Variants in FREM1 observed in about 807,000 individuals in gnomAD.
FREM1 encodes FRAS1 related extracellular matrix 1, also known as FRAS1-related extracellular matrix protein 1.
FREM1 carries 220 observed loss-of-function variants against 210.1 expected under a neutral mutation model. That is an observed-to-expected ratio of 1.05 (90% CI 0.94 to 1.17). The LOEUF is 1.17. FREM1 is among the 50% of genes most tolerant of loss of function. The pLI is 0.00. For synonymous variants in FREM1, 1,189 were observed against 980.2 expected (o/e 1.21, Z -3.98); for missense variants, 3,454 against 2,675.5 (o/e 1.29, Z -6.42).
rs561914881 is a variant in FREM1 at position 14,910,009 on chromosome 9, CT to C, written c.-364del. On this transcript the variant is annotated 5_prime_UTR_variant, in exon 1 of 37. Coordinates refer to ENST00000380880, the MANE Select transcript of FREM1 (RefSeq NM_001379081.2). ...TGACACAGCAATCTGGTTTAAAGGG[CT>C]TTGAGAGGAAGGGGGAGGAAAAAGA... The C allele has an allele frequency of 6.6e-6, 1 of 152,228 alleles. No individual in the cohort carries two copies. Among genetic ancestry groups the C allele is most frequent in the Non-Finnish European group, 1.5e-5 (1 of 68,032 alleles). The allele number at this position is 152,228 out of a possible 1,614,324, so 9.4% of individuals were successfully genotyped here. A position where few individuals can be genotyped will look rare whatever the true frequency, so the allele number is the denominator to read the frequency against.
intron 2 of FREM1, among the ~76,000 whole-genome samples, chr9:14,864,359 T>C (rs1053728963): frequency 1.3e-5 from 2 of 152,196 alleles, no homozygotes; most frequent in Non-Finnish European, 2.9e-5. Flanking sequence ...TGTGTTCTCC[T>C]TTCATTTCTT....
At chr9:14,900,171 C>T (rs887220929) in intron 1 of FREM1, among the ~76,000 whole-genome samples, 2 of 152,134 alleles carry the variant, frequency 1.3e-5, no homozygotes, top group African/African-American at 2.4e-5. Flanking sequence ...AGATGAGTTG[C>T]CTCCTTCATC....
In FREM1 at chr9:14,861,300, T is replaced by TAC. The variant is rs1370196241; in HGVS notation, c.330-1818_330-1817dup. Among the ~76,000 whole-genome samples, 4 of 112,396 alleles carry TAC rather than the reference T, an allele frequency of 3.6e-5. 1 individual carries two copies. Among genetic ancestry groups the TAC allele is most frequent in the African/African-American group, 4.9e-5 (1 of 20,236 alleles). 73.7% of individuals were successfully genotyped at this position (112,396 alleles called of 152,430 possible). A position where few individuals can be genotyped will look rare whatever the true frequency, so the allele number is the denominator to read the frequency against. Reference sequence around the variant, plus strand: ...ATACATATATACATATATACATATATACACATATATACATATATACACATA... The same window carrying TAC: ...ATACATATATACATATATACATATATACACACATATATACATATATACACATA... On this transcript the variant is annotated intron_variant, in intron 3 of 36. Transcript: ENST00000380880.
chr9:14,792,956 A>G, intron 21 of FREM1, 72 bp from the exon 22 acceptor site: 3 of 903,778 alleles, frequency 3.3e-6, no homozygotes, highest in African/African-American at 1.7e-5. Context: ...ACTTATATTG[A>G]CTATCACAGT....
At chr9:14,807,051 T>C (rs554104882) in intron 17 of FREM1, among the ~76,000 whole-genome samples, 4 of 152,256 alleles carry the variant, frequency 2.6e-5, no homozygotes, top group Non-Finnish European at 4.4e-5. Context: ...CTTTGACCTA[T>C]GGAATTATAT....
intron 1 of FREM1, among the ~76,000 whole-genome samples, chr9:14,873,506 G>A (rs907539444): frequency 2.0e-5 from 3 of 151,996 alleles, no homozygotes; most frequent in Admixed American, 6.5e-5. Flanking sequence ...CTGTGGGATC[G>A]GTGGTGATAT....
intron 1 of FREM1, among the ~76,000 whole-genome samples, chr9:14,874,967 C>A (rs1833413386): frequency 6.6e-6 from 1 of 152,158 alleles, no homozygotes; most frequent in Non-Finnish European, 1.5e-5. Context: ...GTTGAAAATT[C>A]TTTTCTTTAA....
In FREM1 at chr9:14,756,358, C is replaced by G. The variant is rs1435287852; in HGVS notation, c.5407+16G>C. 1.3e-6 allele frequency: 2 copies of G among 1,560,452 alleles called. No individual in the cohort carries two copies. The highest frequency in any genetic ancestry group is 8.7e-7 in the Non-Finnish European group (1 of 1,148,320). On this transcript the variant is annotated intron_variant, in intron 29 of 36. Transcript: ENST00000380880. ...AAAACAAAACACATAAAACAAACTG[C>G]AGACACAAAATGTACCTGGGTCAAA...
chr9:14,797,477 G>C lies in FREM1; in HGVS notation c.3839+21C>G, dbSNP rs766869948. On this transcript the variant is annotated intron_variant, in intron 21 of 36. Coordinates refer to ENST00000380880, the MANE Select transcript of FREM1 (RefSeq NM_001379081.2). ...TAGAATTGTATAGAAATCTGAAAGG[G>C]ACTCTTTTCAGGTAGCTTACTTGCT... The C allele has an allele frequency of 2.5e-6, 4 of 1,583,536 alleles. No homozygotes were observed. In the African/African-American group the frequency reaches 4.1e-5, roughly 16 times the overall value.
intron 22 of FREM1, among the ~76,000 whole-genome samples, chr9:14,791,820 G>GTTGGTTTTGT (rs112435439): frequency 6.7e-6 from 1 of 150,234 alleles, no homozygotes; most frequent in East Asian, 2.0e-4. Flanking sequence ...TCAGATAATG[G>GTTGGTTTTGT]TTTGTTTTGT....
chr9:14,835,756 G>C (rs532912258), intron 10 of FREM1, among the ~76,000 whole-genome samples: 1 of 152,294 alleles, frequency 6.6e-6, no homozygotes, highest in African/African-American at 2.4e-5. Context: ...AACCATTCTT[G>C]CTGCACTTTA....
intron 8 of FREM1, among the ~76,000 whole-genome samples, chr9:14,844,579 T>G (rs1020776797): frequency 3.9e-5 from 6 of 152,220 alleles, no homozygotes; most frequent in Non-Finnish European, 8.8e-5. Context: ...TCACACCACG[T>G]GGCTGTGTTA....
intron 10 of FREM1, among the ~76,000 whole-genome samples, chr9:14,837,850 T>C (rs1824918047): frequency 6.6e-6 from 1 of 152,242 alleles, no homozygotes; most frequent in African/African-American, 2.4e-5. Context: ...GCTGTAAACT[T>C]TGGCAACAGT....
chr9:14,888,106 C>G (rs1449429510), intron 1 of FREM1, among the ~76,000 whole-genome samples: 1 of 152,168 alleles, frequency 6.6e-6, no homozygotes, highest in Admixed American at 6.5e-5. Flanking sequence ...CCAAAACCAA[C>G]ATTTATACGT....
chr9:14,783,898 T>C (rs1850006505), intron 24 of FREM1, among the ~76,000 whole-genome samples: 1 of 152,168 alleles, frequency 6.6e-6, no homozygotes, highest in Non-Finnish European at 1.5e-5. Context: ...CAGTCTCTGT[T>C]TATGCCAAAT....
rs559271652 is a variant in FREM1, at chr9:14,812,506, C to T, written c.2893+306G>A. On this transcript the variant is annotated intron_variant, in intron 16 of 36. Coordinates refer to ENST00000380880, the MANE Select transcript of FREM1 (RefSeq NM_001379081.2). The stretch of plus-strand genomic sequence containing the variant: ...TCATGATTTATAGACCCACCAACTA[C>T]GATGATCAAACTGACCAAAAACGCT... Among the ~76,000 whole-genome samples the T allele has an allele frequency of 5.9e-5, 9 of 152,240 alleles. No homozygotes were observed. In the East Asian group the frequency reaches 1.7e-3, roughly 29 times the overall value.
At chr9:14,886,824 G>C (rs1289504515) in intron 1 of FREM1, among the ~76,000 whole-genome samples, 1 of 149,556 alleles carries the variant, frequency 6.7e-6, no homozygotes, top group African/African-American at 2.5e-5. Flanking sequence ...CCTGAGCCTG[G>C]AGATCGAGGT....
chr9:14,854,817 G>A (rs1288601194), intron 5 of FREM1, among the ~76,000 whole-genome samples: 2 of 151,920 alleles, frequency 1.3e-5, no homozygotes, highest in African/African-American at 4.8e-5. Context: ...ATTCACCATA[G>A]GTTCACAAAA....
chr9:14,747,137 T>C (rs1332211048), intron 33 of FREM1, 86 bp from the exon 34 acceptor site: 4 of 1,591,874 alleles, frequency 2.5e-6, no homozygotes, highest in Non-Finnish European at 2.6e-6. Flanking sequence ...TCTTCATTTG[T>C]TGGGAAGCAT....
Sources: allele counts gnomAD v4.1 joint callset (sites outside exome capture counted in the v4.1 genomes callset), GRCh38; gene constraint gnomAD v4.1.1; transcripts MANE v1.5; gene names NCBI Gene and HGNC (gene_info 2026-07-23, HGNC 2026-07-21).